The following DEFB125 variants were observed in gnomAD, a reference collection of about 807,000 sequenced individuals.
DEFB125 encodes the protein defensin beta 125.
In DEFB125, 11 loss-of-function variants were observed where a neutral mutation model predicts 11.8. The ratio of observed to expected loss-of-function variants is 0.94; its 90% CI spans 0.59 to 1.55. DEFB125 has a LOEUF of 1.55. Ranked by LOEUF, DEFB125 falls within the 40% of genes most tolerant of loss-of-function variation. The probability of loss-of-function intolerance (pLI) is 0.00; values close to 1 mark genes in which losing one functional copy is unlikely to be tolerated. For missense variants in DEFB125, 198 were observed against 191.2 expected, an observed-to-expected ratio of 1.04 and a Z score of -0.21; for synonymous variants, 79 against 66.7, an observed-to-expected ratio of 1.18 and a Z score of -0.90.
At position 93,492 on chromosome 20, in the gene DEFB125, C is replaced by T. The variant is rs569745860; in HGVS notation, c.59-2513C>T. ...CTGCAATTTGGTTTCTTTTTTCATA[C>T]CACTCGGAAGCTGCTCTCCTCAGTA... On this transcript the variant is annotated intron_variant, in intron 1 of 1. Coordinates refer to ENST00000382410, the MANE Select transcript of DEFB125 (RefSeq NM_153325.4). 3.0e-4 allele frequency among the ~76,000 whole-genome samples: 46 copies of T among 152,230 alleles called. 1 individual carries two copies. Among genetic ancestry groups the T allele is most frequent in the African/African-American group, 8.7e-4 (36 of 41,540 alleles).
At chr20:88,157 G>T (rs1321304436) in intron 1 of DEFB125, among the ~76,000 whole-genome samples, 1 of 152,096 alleles carries the variant, frequency 6.6e-6, no homozygotes. Flanking sequence ...TGCCCGGAGG[G>T]TACCTTCAGA....
At position 87,714 on chromosome 20, in the gene DEFB125, A is replaced by G; in HGVS notation, c.5A>G (p.Asn2Ser). 1 of 1,613,192 alleles carries G rather than the reference A, an allele frequency of 6.2e-7. No individual in the cohort carries two copies. The highest frequency in any genetic ancestry group is 8.5e-7 in the Non-Finnish European group (1 of 1,179,228). Residue 2 changes from asparagine to serine, a missense_variant, in exon 1 of 2, where the codon AAT becomes AGT. Coordinates refer to ENST00000382410, the MANE Select transcript of DEFB125 (RefSeq NM_153325.4). ...GCTTCCTCTCTCCCAGGAGCCATGA[A>G]TATCCTGATGCTGACCTTCATTATC... M[N>S]ILMLTFIICG...
Position 96,827 on chromosome 20 carries a change from T to C in DEFB125, c.*410T>C, listed in dbSNP as rs2054517751. ...TTTAACAGTGCCTGGCCCACTACTA[T>C]CGTATATAGGAGAACATATAAAAGC... On this transcript the variant is annotated 3_prime_UTR_variant, in exon 2 of 2. Coordinates refer to ENST00000382410, the MANE Select transcript of DEFB125 (RefSeq NM_153325.4). 5.4e-6 allele frequency: 1 copy of C among 183,676 alleles called. No individual in the cohort carries two copies. The highest frequency in any genetic ancestry group is 2.4e-5 in the African/African-American group (1 of 42,110). 11.4% of individuals were successfully genotyped at this position (183,676 alleles called of 1,614,324 possible). A position where few individuals can be genotyped will look rare whatever the true frequency, so the allele number is the denominator to read the frequency against.
chr20:95,906 A>G, intron 1 of DEFB125, 99 bp from the exon 2 acceptor site: 1 of 1,091,978 alleles, frequency 9.2e-7, no homozygotes, highest in East Asian at 2.4e-5. Context: ...TTGACATCAT[A>G]TTAGTCTAGA....
At chr20:92,947 T>A (rs2122977269) in intron 1 of DEFB125, among the ~76,000 whole-genome samples, 1 of 150,390 alleles carries the variant, frequency 6.6e-6, no homozygotes. Flanking sequence ...CACCCTATTC[T>A]ATATTAATCT....
At position 87,760 on chromosome 20, in the gene DEFB125, G is replaced by C; in HGVS notation, c.51G>C (p.Val17=). ...TTATCTGTGGGTTGCTAACTCGGGT[G>C]ACCAAAGGTAATGGAACCCTATAAA... ...TFIICGLLTR[V]TKGSFEPQKC... The change falls in exon 1 of 2, where the codon GTG becomes GTC. Residue 17 remains valine (V), a synonymous_variant. Transcript: ENST00000382410. 2.5e-6 allele frequency: 4 copies of C among 1,613,090 alleles called. No homozygotes were observed. Among genetic ancestry groups the C allele is most frequent in the Middle Eastern group, 1.7e-4 (1 of 6,044 alleles).
chr20:88,172 G>A (rs2054483146), intron 1 of DEFB125, among the ~76,000 whole-genome samples: 1 of 152,108 alleles, frequency 6.6e-6, no homozygotes, highest in African/African-American at 2.4e-5. Context: ...TTCAGAGGGA[G>A]GCCCTCACTT....
intron 1 of DEFB125, among the ~76,000 whole-genome samples, chr20:89,966 A>T (rs2054490401): frequency 6.6e-6 from 1 of 152,096 alleles, no homozygotes; most frequent in African/African-American, 2.4e-5. Flanking sequence ...GCTTTATATT[A>T]TGTGTTTTCA....
At chr20:94,075 T>C (rs985217672) in intron 1 of DEFB125, among the ~76,000 whole-genome samples, 1 of 119,642 alleles carries the variant, frequency 8.4e-6, no homozygotes, top group Non-Finnish European at 1.7e-5. Flanking sequence ...TAAACATTTT[T>C]TTAAGTTTTT....
intron 1 of DEFB125, among the ~76,000 whole-genome samples, chr20:88,147 T>C (rs2054482922): frequency 1.3e-5 from 2 of 152,210 alleles, no homozygotes; most frequent in African/African-American, 4.8e-5. Flanking sequence ...AATTCTTCTT[T>C]GCCCGGAGGG....
At chr20:94,043 C>T (rs1028692309) in intron 1 of DEFB125, among the ~76,000 whole-genome samples, 6 of 151,910 alleles carry the variant, frequency 3.9e-5, no homozygotes, top group Non-Finnish European at 5.9e-5. Context: ...TAACACTGCA[C>T]CTTCAGGACC....
At chr20:95,067 G>T (rs2054509819) in intron 1 of DEFB125, among the ~76,000 whole-genome samples, 1 of 152,046 alleles carries the variant, frequency 6.6e-6, no homozygotes. Flanking sequence ...TGGATTTCTT[G>T]CTTTCCTGAT....
At chr20:93,110 A>G (rs2054502621) in intron 1 of DEFB125, among the ~76,000 whole-genome samples, 1 of 151,844 alleles carries the variant, frequency 6.6e-6, no homozygotes, top group Non-Finnish European at 1.5e-5. Flanking sequence ...AGCTGGGACT[A>G]CAGGTGCTCG....
chr20:91,817 T>G (rs2122976225), intron 1 of DEFB125, among the ~76,000 whole-genome samples: 1 of 152,326 alleles, frequency 6.6e-6, no homozygotes. Context: ...TATAAATCTT[T>G]GTAGATGTGA....
At chr20:95,892 G>T (rs564645511) in intron 1 of DEFB125, 113 bp from the exon 2 acceptor site, 4 of 988,038 alleles carry the variant, frequency 4.0e-6, no homozygotes, top group South Asian at 3.9e-5. Context: ...ATGGCTTTTT[G>T]TATTTGACAT....
At chr20:91,487 G>A (rs2054495916) in intron 1 of DEFB125, among the ~76,000 whole-genome samples, 1 of 152,072 alleles carries the variant, frequency 6.6e-6, no homozygotes, top group African/African-American at 2.4e-5. Context: ...CTAGCAGGGA[G>A]TGCATTTACT....
At chr20:89,317 G>T (rs2054488089) in intron 1 of DEFB125, among the ~76,000 whole-genome samples, 1 of 152,112 alleles carries the variant, frequency 6.6e-6, no homozygotes, top group East Asian at 1.9e-4. Context: ...ATTATAAACT[G>T]CTGTATTTGT....
chr20:96,671 T>C lies in DEFB125; in HGVS notation c.*254T>C, dbSNP rs1368380350. 2 of 425,048 alleles carry C rather than the reference T, an allele frequency of 4.7e-6. No individual in the cohort carries two copies. Among genetic ancestry groups the C allele is most frequent in the African/African-American group, 2.0e-5 (1 of 50,580 alleles). 26.3% of individuals were successfully genotyped at this position (425,048 alleles called of 1,614,324 possible). On this transcript the variant is annotated 3_prime_UTR_variant, in exon 2 of 2. Transcript: ENST00000382410. ...AAATTCTTTATCTGTCTTCCTCCGA[T>C]GTACTCAAATATATGAGCTAATTTT...
chr20:94,731 T>A (rs2054508660), intron 1 of DEFB125, among the ~76,000 whole-genome samples: 1 of 152,180 alleles, frequency 6.6e-6, no homozygotes, highest in Non-Finnish European at 1.5e-5. Flanking sequence ...AGGTGTAATT[T>A]TCTATCTGTT....
Sources: gnomAD v4.1 joint callset for allele counts (sites outside exome capture counted in the v4.1 genomes callset) on GRCh38, gnomAD v4.1.1 for gene constraint, MANE v1.5 for transcripts, NCBI Gene and HGNC (gene_info 2026-07-23, HGNC 2026-07-21) for gene names.